Variants in TRPA1 observed in about 807,000 individuals in gnomAD.
TRPA1 encodes transient receptor potential cation channel subfamily A member 1.
Under a neutral mutation model 131.3 loss-of-function variants are expected in TRPA1, and 129 were observed. That is an observed-to-expected ratio of 0.98 (90% confidence interval 0.85 to 1.14). The LOEUF is 1.14. Among genes scored for constraint, TRPA1 ranks in the 50% most tolerant of loss-of-function variants. TRPA1 has a pLI of 0.00. For missense variants in TRPA1, 1,304 were observed against 1,354.2 expected (o/e 0.96, Z 0.58); for synonymous variants, 441 against 451.7 (o/e 0.98, Z 0.30).
In TRPA1 at chr8:72,059,384, A is replaced by G; in HGVS notation, c.993+6T>C. On this transcript the variant is annotated splice_donor_region_variant and intron_variant, in intron 8 of 26. Coordinates refer to ENST00000262209, the MANE Select transcript of TRPA1 (RefSeq NM_007332.3). ...ATAAAAATAAACCAGTAAAAGGAAT[A>G]GTTACCACTGAAATTAAATAGTCTG... The G allele has an allele frequency of 6.5e-7, 1 of 1,541,816 alleles. No individual in the cohort carries two copies. Among genetic ancestry groups the G allele is most frequent in the Non-Finnish European group, 8.9e-7 (1 of 1,121,676 alleles).
chr8:72,057,607 G>T (rs963793641), intron 9 of TRPA1, 110 bp downstream of exon 9: 3 of 863,516 alleles, frequency 3.5e-6, no homozygotes, highest in East Asian at 4.9e-5. Context: ...CCAGGGCCTG[G>T]CACACAATAG....
chr8:72,070,516 TTTTA>T (rs1303677602), intron 2 of TRPA1, among the ~76,000 whole-genome samples: 1 of 152,178 alleles, frequency 6.6e-6, no homozygotes, highest in Non-Finnish European at 1.5e-5. Context: ...CAGAAATCAT[TTTTA>T]TTTTTATAGA....
At chr8:72,055,110 C>T (rs1326572388) in intron 12 of TRPA1, 1 of 318,714 alleles carries the variant, frequency 3.1e-6, no homozygotes, top group East Asian at 8.1e-5. Flanking sequence ...AGGAATATGG[C>T]AGCATGATGA....
chr8:72,071,601 G>C (rs773405513), intron 2 of TRPA1, 110 bp downstream of exon 2: 157 of 1,229,238 alleles, frequency 1.3e-4, no homozygotes, highest in Non-Finnish European at 1.8e-4. Context: ...AAATATATAG[G>C]CTCTTTATAA....
rs773111187 is a variant in TRPA1, at chr8:72,062,846, T to C, written c.760A>G (p.Met254Val). 1.2e-6 allele frequency: 2 copies of C among 1,614,064 alleles called. No individual in the cohort carries two copies. Among genetic ancestry groups the C allele is most frequent in the South Asian group, 2.2e-5 (2 of 91,078 alleles). ...CCATTGTCCAGGCACATTTTGATCA[T>C]TTCCAAGTCACCATTTTGCACAGCC... ...HLAVQNGDLE[M>V]IKMCLDNGAQ... The change falls in exon 6 of 27, where the codon ATG (methionine) becomes GTG (valine). Residue 254 changes from methionine to valine, a missense_variant. Physicochemically the swap from Met to Val is conservative, Grantham distance 21. Coordinates refer to ENST00000262209, the MANE Select transcript of TRPA1 (RefSeq NM_007332.3).
intron 2 of TRPA1, among the ~76,000 whole-genome samples, chr8:72,070,331 A>C (rs1806032013): frequency 6.6e-6 from 1 of 152,146 alleles, no homozygotes; most frequent in African/African-American, 2.4e-5. Context: ...AACAATACAC[A>C]CACACATGCA....
Position 72,071,676 on chromosome 8 carries a change from T to A in TRPA1, c.268+35A>T, listed in dbSNP as rs770394500. The A allele has an allele frequency of 3.7e-6, 6 of 1,609,376 alleles. No individual in the cohort carries two copies. The South Asian group carries it at 5.5e-5, about 15-fold the overall frequency. The stretch of plus-strand genomic sequence containing the variant: ...TTTCTAGTTAATTGAATGGGATGAA[T>A]GATTTCTGGAAGATGAATTGTAATA... On this transcript the variant is annotated intron_variant, in intron 2 of 26. Transcript: ENST00000262209.
chr8:72,076,217 G>T (rs911519683), upstream of TRPA1, among the ~76,000 whole-genome samples: 5 of 152,118 alleles, frequency 3.3e-5, no homozygotes, highest in African/African-American at 9.7e-5. Context: ...GGTGTTTAAG[G>T]GTGGTTAATA....
chr8:72,061,909 G>A (rs911713824), intron 6 of TRPA1, 148 bp from the exon 7 acceptor site: 5 of 866,170 alleles, frequency 5.8e-6, no homozygotes, highest in Non-Finnish European at 9.0e-6. Flanking sequence ...AAATGTGATA[G>A]ATATTCCTTG....
upstream of TRPA1, among the ~76,000 whole-genome samples, chr8:72,077,085 G>A (rs187165445): frequency 2.8e-4 from 42 of 152,224 alleles, no homozygotes; most frequent in African/African-American, 9.6e-4. Context: ...TGCCTCATAG[G>A]AATATTAAGA....
chr8:72,071,976 C>A (rs1806073451), intron 1 of TRPA1, 109 bp from the exon 2 acceptor site: 2 of 974,482 alleles, frequency 2.1e-6, no homozygotes, highest in South Asian at 1.5e-5. Context: ...ATCTATCATG[C>A]TTATATGAGG....
chr8:72,083,285 A>T, the TRPA1 span, among the ~76,000 whole-genome samples: 1 of 152,170 alleles, frequency 6.6e-6, no homozygotes, highest in African/African-American at 2.4e-5. Flanking sequence ...TCTAACATCT[A>T]TACTCAAATA....
chr8:72,056,172 C>T (rs573533393), intron 10 of TRPA1: 1 of 364,492 alleles, frequency 2.7e-6, no homozygotes, highest in Non-Finnish European at 5.1e-6. Context: ...GCCCTTCCCT[C>T]TGCCCCTCCT....
chr8:72,055,253 A>G (rs1585874797), intron 12 of TRPA1, 183 bp downstream of exon 12: 1 of 610,332 alleles, frequency 1.6e-6, no homozygotes, highest in East Asian at 2.8e-5. Flanking sequence ...GTCAGTTGGA[A>G]ATAATACTGA....
At chr8:72,031,081 T>C (rs1438885377) in intron 23 of TRPA1, among the ~76,000 whole-genome samples, 1 of 152,190 alleles carries the variant, frequency 6.6e-6, no homozygotes, top group Non-Finnish European at 1.5e-5. Flanking sequence ...GTGCTTAGTA[T>C]AGAGCAGGGT....
upstream of TRPA1, chr8:72,075,638 G>C: frequency 1.8e-6 from 1 of 560,340 alleles, no homozygotes; most frequent in South Asian, 2.0e-5. Flanking sequence ...GGCGGGGCGC[G>C]GAGAGGAGGT....
At chr8:72,058,115 C>T (rs1224325782) in intron 8 of TRPA1, among the ~76,000 whole-genome samples, 1 of 152,112 alleles carries the variant, frequency 6.6e-6, no homozygotes, top group Non-Finnish European at 1.5e-5. Context: ...TATCTTTTTA[C>T]TTAGATCAAG....
intron 23 of TRPA1, among the ~76,000 whole-genome samples, chr8:72,032,211 G>C (rs760965493): frequency 6.6e-6 from 1 of 152,184 alleles, no homozygotes; most frequent in Non-Finnish European, 1.5e-5. Flanking sequence ...CTTTTGAAGA[G>C]GCATGGAAAA....
In TRPA1 at chr8:72,052,400, C is replaced by T. The variant is rs1349543419; in HGVS notation, c.1811+199G>A. The T allele has an allele frequency of 6.0e-5, 30 of 502,434 alleles. No homozygotes were observed. In the Admixed American group the frequency reaches 7.4e-4, roughly 12 times the overall value. The allele number at this position is 502,434 out of a possible 1,614,324, so 31.1% of individuals were successfully genotyped here. A position where few individuals can be genotyped will look rare whatever the true frequency, so the allele number is the denominator to read the frequency against. ...TCACACCACTGCACTCCAGCCTGTGCGACAGAGCTAGACCTTTTCTAAAAA... is the reference window on the plus strand; with the variant it reads ...TCACACCACTGCACTCCAGCCTGTGTGACAGAGCTAGACCTTTTCTAAAAA... On this transcript the variant is annotated intron_variant, in intron 14 of 26. Transcript: ENST00000262209.
Sources: allele counts gnomAD v4.1 joint callset (sites outside exome capture counted in the v4.1 genomes callset), GRCh38; gene constraint gnomAD v4.1.1; transcripts MANE v1.5; gene names NCBI Gene and HGNC (gene_info 2026-07-23, HGNC 2026-07-21).